The following ASTN2 variants were observed in gnomAD, a reference collection of about 807,000 sequenced individuals.
ASTN2 encodes the protein astrotactin 2, also known as astrotactin-2.
A neutral mutation model predicts 139.8 loss-of-function variants in ASTN2; 54 were observed. That is an observed-to-expected ratio of 0.39 (90% confidence interval 0.31 to 0.48). The LOEUF (loss-of-function observed/expected upper bound fraction) is 0.48, where lower values mean the gene tolerates loss of function less well. Ranked by LOEUF, ASTN2 falls within the 20% of genes least tolerant of loss-of-function variation. The pLI is 0.95. For synonymous variants in ASTN2, 756 were observed against 719.5 expected, an observed-to-expected ratio of 1.05 and a Z score of -0.81; for missense variants, 1,565 against 1,725.1, an observed-to-expected ratio of 0.91 and a Z score of 1.64.
At chr9:117,008,038 C>G in intron 7 of ASTN2, 54 bp downstream of exon 7, 1 of 1,485,698 alleles carries the variant, frequency 6.7e-7, no homozygotes, top group Non-Finnish European at 9.0e-7. Flanking sequence ...CACAATGCCT[C>G]TTTCAACCCA....
intron 19 of ASTN2, among the ~76,000 whole-genome samples, chr9:116,549,152 T>C (rs1368981212): frequency 6.7e-6 from 1 of 149,124 alleles, no homozygotes; most frequent in Non-Finnish European, 1.5e-5. Context: ...ACCTGTGTCA[T>C]CTGAAGCAAA....
At chr9:116,521,135 A>ACAGAC (rs1232098110) in intron 19 of ASTN2, among the ~76,000 whole-genome samples, 1 of 105,930 alleles carries the variant, frequency 9.4e-6, no homozygotes, top group Non-Finnish European at 2.0e-5. Context: ...ACCATTCTTC[A>ACAGAC]CAGAACTAGA....
chr9:116,777,323 T>C (rs4837850), intron 13 of ASTN2, among the ~76,000 whole-genome samples: 126,624 of 152,056 alleles, frequency 0.83, 53,380 homozygotes, highest in Non-Finnish European at 0.91. Context: ...ATCATATCCT[T>C]CCTATGGGGC....
chr9:116,565,909 A>G (rs1422977639), intron 19 of ASTN2, among the ~76,000 whole-genome samples: 2 of 152,164 alleles, frequency 1.3e-5, no homozygotes, highest in African/African-American at 4.8e-5. Flanking sequence ...ACCTTCGATT[A>G]CAAGTACATA....
intron 3 of ASTN2, among the ~76,000 whole-genome samples, chr9:117,161,068 C>G (rs1317052366): frequency 1.3e-5 from 2 of 151,994 alleles, no homozygotes; most frequent in Non-Finnish European, 2.9e-5. Context: ...CTCAAGGGAT[C>G]TTATCTATGT....
At chr9:116,967,516 G>A (rs1383033419) in intron 10 of ASTN2, among the ~76,000 whole-genome samples, 1 of 152,294 alleles carries the variant, frequency 6.6e-6, no homozygotes, top group East Asian at 1.9e-4. Context: ...TCTACCTGAA[G>A]AAGCCACCCT....
At chr9:117,019,556 T>C (rs1837811924) in intron 6 of ASTN2, among the ~76,000 whole-genome samples, 1 of 152,124 alleles carries the variant, frequency 6.6e-6, no homozygotes, top group Admixed American at 6.6e-5. Context: ...CAAGTCCTAC[T>C]ATGAATTCTG....
At chr9:116,865,190 G>T (rs1832983979) in intron 10 of ASTN2, among the ~76,000 whole-genome samples, 1 of 152,062 alleles carries the variant, frequency 6.6e-6, no homozygotes, top group East Asian at 1.9e-4. Flanking sequence ...GTGAGGAAGG[G>T]CTGGGCATAG....
intron 4 of ASTN2, among the ~76,000 whole-genome samples, chr9:117,131,590 G>A (rs372606231): frequency 3.2e-4 from 48 of 152,238 alleles, no homozygotes; most frequent in African/African-American, 1.1e-3. Flanking sequence ...GTCTTAAAAA[G>A]TACATTTACC....
rs1357462544 is a variant in ASTN2 at position 117,191,950 on chromosome 9, G to A, written c.1015+22408C>T. 3.9e-5 allele frequency among the ~76,000 whole-genome samples: 6 copies of A among 152,186 alleles called. No individual in the cohort carries two copies. In the East Asian group the frequency reaches 9.6e-4, roughly 24 times the overall value. ...ACAGGGAGATGGAAAAGGATCATGAGGGAGGAGGGGAAGAGCAAATGTTCA... is the reference window on the plus strand; with the variant it reads ...ACAGGGAGATGGAAAAGGATCATGAAGGAGGAGGGGAAGAGCAAATGTTCA... On this transcript the variant is annotated intron_variant, in intron 3 of 22. Transcript: ENST00000313400.
At chr9:116,517,439 A>T (rs1850699032) in intron 19 of ASTN2, among the ~76,000 whole-genome samples, 1 of 152,306 alleles carries the variant, frequency 6.6e-6, no homozygotes, top group South Asian at 2.1e-4. Flanking sequence ...AGGAAGCCCC[A>T]TTCCTAGGGA....
chr9:116,565,351 TTCTCTCTCTCTC>T (rs772428232), intron 19 of ASTN2, among the ~76,000 whole-genome samples: 1 of 36,004 alleles, frequency 2.8e-5, no homozygotes, highest in Non-Finnish European at 5.1e-5. Context: ...AAGACACTGT[TTCTCTCTCTCTC>T]TCTCTCTCTC....
chr9:117,396,112 G>T (rs1354282056), intron 1 of ASTN2, among the ~76,000 whole-genome samples: 1 of 152,194 alleles, frequency 6.6e-6, no homozygotes, highest in Non-Finnish European at 1.5e-5. Context: ...GAAGGGTTAT[G>T]AACTACAACA....
At chr9:117,220,100 T>A (rs780283475) in intron 2 of ASTN2, among the ~76,000 whole-genome samples, 1 of 152,274 alleles carries the variant, frequency 6.6e-6, no homozygotes, top group South Asian at 2.1e-4. Flanking sequence ...GGATAAAGGA[T>A]CTGGCACCAC....
intron 1 of ASTN2, among the ~76,000 whole-genome samples, chr9:117,361,549 T>C (rs1829692764): frequency 6.6e-6 from 1 of 152,144 alleles, no homozygotes. Context: ...TGCAACACAT[T>C]GAGTAATGAA....
intron 19 of ASTN2, among the ~76,000 whole-genome samples, chr9:116,516,729 C>T (rs1015653295): frequency 2.6e-5 from 4 of 152,180 alleles, no homozygotes; most frequent in Admixed American, 6.5e-5. Flanking sequence ...AGTTTTCAGC[C>T]CTGGCTACCA....
intron 19 of ASTN2, among the ~76,000 whole-genome samples, chr9:116,608,532 T>C (rs1855333361): frequency 6.6e-6 from 1 of 152,038 alleles, no homozygotes; most frequent in African/African-American, 2.4e-5. Context: ...TCAAATTGTT[T>C]CTCTGTGCAA....
chr9:117,127,821 C>G (rs1442309822), intron 4 of ASTN2, among the ~76,000 whole-genome samples: 1 of 151,724 alleles, frequency 6.6e-6, no homozygotes, highest in East Asian at 1.9e-4. Flanking sequence ...TCTGGGACTA[C>G]ACGTGCCCGC....
At chr9:116,971,290 G>A (rs1836188970) in intron 10 of ASTN2, among the ~76,000 whole-genome samples, 1 of 152,130 alleles carries the variant, frequency 6.6e-6, no homozygotes, top group Non-Finnish European at 1.5e-5. Context: ...GCTGTCCAGG[G>A]GAGAGTTTTA....
Sources: allele counts gnomAD v4.1 joint callset (sites outside exome capture counted in the v4.1 genomes callset), GRCh38; gene constraint gnomAD v4.1.1; transcripts MANE v1.5; gene names NCBI Gene and HGNC (gene_info 2026-07-23, HGNC 2026-07-21).